The following FLNA variants were observed in gnomAD, a reference collection of about 807,000 sequenced individuals.
The protein encoded by FLNA is filamin-A.
FLNA carries 7 observed loss-of-function variants against 157.6 expected under a neutral mutation model. That is an observed-to-expected ratio of 0.04 (90% CI 0.03 to 0.08). FLNA has a LOEUF of 0.08. Among genes scored for constraint, FLNA ranks in the 10% least tolerant of loss-of-function variants. FLNA has a pLI of 1.00. For synonymous variants in FLNA, 1,103 were observed against 1,060.8 expected (o/e 1.04, Z -0.77); for missense variants, 1,750 against 2,398.4 (o/e 0.73, Z 5.65).
chrX:154,354,397 C>T lies in FLNA; in HGVS notation c.5400G>A (p.Lys1800=). The T allele has an allele frequency of 7.4e-6, 9 of 1,211,811 alleles. No homozygotes were observed. The highest frequency in any genetic ancestry group is 8.9e-6 in the Non-Finnish European group (8 of 895,463). The change falls in exon 33 of 48, where the codon AAG becomes AAA. Residue 1800 remains lysine (K), a synonymous_variant. Coordinates refer to ENST00000369850, the MANE Select transcript of FLNA (RefSeq NM_001110556.2). ...CCCACTCACCTGTGATCTCGCCCTT[C>T]TTGATGGTGAAGGGGATGACAAGGT... ...PFDLVIPFTI[K]KGEITGEVRM... is the part of the protein sequence containing the mutation.
At chrX:154,365,325 T>C (rs980346082) in intron 10 of FLNA, 24 bp downstream of exon 10, 3 of 1,210,785 alleles carry the variant, frequency 2.5e-6, no homozygotes, top group Non-Finnish European at 3.4e-6. Flanking sequence ...CCACCCATCC[T>C]GGCCTGGCTC....
chrX:154,348,578 G>A lies in FLNA; in HGVS notation c.*271C>T. On this transcript the variant is annotated 3_prime_UTR_variant, in exon 48 of 48. Transcript: ENST00000369850. ...CTCTTGGCTGGAGAAGAGAACTAGT[G>A]GGTGGTTGTGTACAGGACCCCCATC... 2.9e-6 allele frequency: 1 copy of A among 347,769 alleles called. No individual in the cohort carries two copies. Among genetic ancestry groups the A allele is most frequent in the East Asian group, 4.6e-5 (1 of 21,823 alleles). 28.7% of individuals were successfully genotyped at this position (347,769 alleles called of 1,213,427 possible). A position where few individuals can be genotyped will look rare whatever the true frequency, so the allele number is the denominator to read the frequency against.
rs782614822 is a variant in FLNA, at chrX:154,357,456, G to A, written c.4923C>T (p.Asp1641=). ...PYRVRAVPTG[D]ASKCTVTVSI... is the part of the protein sequence containing the mutation. The stretch of plus-strand genomic sequence containing the variant: ...CACCTGTGACAGTGCACTTGCTGGC[G>A]TCCCCGGTGGGCACGGCACGCACGC... Residue 1641 remains aspartate (D), a synonymous_variant, in exon 29 of 48, where the codon GAC becomes GAT. Coordinates refer to ENST00000369850, the MANE Select transcript of FLNA (RefSeq NM_001110556.2). 64 of 1,207,975 alleles carry A rather than the reference G, an allele frequency of 5.3e-5. No individual in the cohort carries two copies. Among genetic ancestry groups the A allele is most frequent in the Non-Finnish European group, 6.7e-5 (60 of 892,902 alleles).
chrX:154,366,126 G>A lies in FLNA; in HGVS notation c.1327C>T (p.Arg443Cys), dbSNP rs782673341. The A allele has an allele frequency of 5.6e-5, 68 of 1,209,039 alleles. 1 individual carries two copies. In the South Asian group the frequency reaches 7.9e-4, roughly 14 times the overall value. ...QLEARGDSTYRCSYQPTMEGV... is the reference protein window; with the variant it reads ...QLEARGDSTYCCSYQPTMEGV... ...TCCATGGTGGGCTGGTAGCTGCAGCGGTATGTGCTGTCGCCCCGGGCCTCC... is the reference window on the plus strand; with the variant it reads ...TCCATGGTGGGCTGGTAGCTGCAGCAGTATGTGCTGTCGCCCCGGGCCTCC... Residue 443 changes from arginine to cysteine, a missense_variant, in exon 9 of 48, where the codon CGC (arginine) becomes TGC (cysteine). Around this residue, in one of 5 missense-constraint regions of FLNA, gnomAD observed 648 missense variants for 805.8 expected, o/e 0.80. Transcript: ENST00000369850.
chrX:154,349,975 T>TGGA, intron 45 of FLNA, 56 bp downstream of exon 45: 1 of 1,194,455 alleles, frequency 8.4e-7, no homozygotes. Flanking sequence ...ACCAAGAGCT[T>TGGA]GGAGGCAAGG....
chrX:154,358,572 G>A lies in FLNA; in HGVS notation c.4475-4C>T, dbSNP rs199652065. The A allele has an allele frequency of 1.2e-5, 14 of 1,206,386 alleles. No individual in the cohort carries two copies. The highest frequency in any genetic ancestry group is 5.3e-5 in the African/African-American group (3 of 56,897). On this transcript the variant is annotated splice_polypyrimidine_tract_variant and splice_region_variant and intron_variant, in intron 26 of 47. Coordinates refer to ENST00000369850, the MANE Select transcript of FLNA (RefSeq NM_001110556.2). ...ACGTCCACTGGCTCCACCAGGCCTG[G>A]CCCCAGCCCCAGGGACAGAGCATCA...
intron 11 of FLNA, 75 bp downstream of exon 11, chrX:154,365,061 C>G: frequency 8.3e-7 from 1 of 1,203,746 alleles, no homozygotes; most frequent in South Asian, 1.8e-5. Flanking sequence ...GGCCCCTCAT[C>G]ATCAGGTGGG....
intron 5 of FLNA, 21 bp downstream of exon 5, chrX:154,367,376 C>T: frequency 8.3e-7 from 1 of 1,209,699 alleles, no homozygotes. Context: ...CACGGGTGCA[C>T]CCCTGGTGGG....
intron 22 of FLNA, 32 bp from the exon 23 acceptor site, chrX:154,359,937 C>T (rs782076774): frequency 5.8e-6 from 7 of 1,208,488 alleles, no homozygotes; most frequent in Admixed American, 2.2e-5. Context: ...GCTTGGGGCT[C>T]GGGGGTTCTG....
intron 14 of FLNA, 26 bp from the exon 15 acceptor site, chrX:154,364,191 C>T: frequency 8.3e-7 from 1 of 1,210,999 alleles, no homozygotes; most frequent in Non-Finnish European, 1.1e-6. Flanking sequence ...GAGCAGGTGG[C>T]CTGCTGGTCA....
At chrX:154,358,697 GA>G in intron 26 of FLNA, 129 bp from the exon 27 acceptor site, 1 of 875,663 alleles carries the variant, frequency 1.1e-6, no homozygotes, top group Non-Finnish European at 1.6e-6. Context: ...CCGACCCTGG[GA>G]ATGGCCTTGA....
Position 154,361,498 on chromosome X carries a change from G to A in FLNA, c.3017C>T (p.Ser1006Phe). ...KGAGGQGKVASKIVGPSGAAV... is the reference protein window; with the variant it reads ...KGAGGQGKVAFKIVGPSGAAV... ...TGCACCCGAGGGGCCCACAATCTTGGATGCCACTTTGCCTTGACCACCAGC... is the reference window on the plus strand; with the variant it reads ...TGCACCCGAGGGGCCCACAATCTTGAATGCCACTTTGCCTTGACCACCAGC... Residue 1006 changes from serine to phenylalanine, a missense_variant, in exon 21 of 48, where the codon TCC becomes TTC. This residue lies in a region of FLNA where 648 missense variants were observed against 805.8 expected (regional missense o/e 0.80). Coordinates refer to ENST00000369850, the MANE Select transcript of FLNA (RefSeq NM_001110556.2). The A allele has an allele frequency of 8.3e-7, 1 of 1,211,663 alleles. No homozygotes were observed. Among genetic ancestry groups the A allele is most frequent in the South Asian group, 1.8e-5 (1 of 57,017 alleles).
chrX:154,350,575 C>T (rs2067611384), intron 44 of FLNA: 3 of 382,492 alleles, frequency 7.8e-6, no homozygotes, highest in Non-Finnish European at 1.4e-5. Context: ...GAAATGAAGC[C>T]CACTGGGCTC....
Position 154,366,608 on chromosome X carries a change from C to A in FLNA, c.1019G>T (p.Arg340Leu), listed in dbSNP as rs371368679. The A allele has an allele frequency of 5.8e-6, 7 of 1,210,570 alleles. No homozygotes were observed. The highest frequency in any genetic ancestry group is 2.3e-4 in the Middle Eastern group (1 of 4,374). ...AKVTANNDKN[R>L]TFSVWYVPEV... ...GGGGACGTACCAGACGGAGAAGGTG[C>A]GGTTCTTGTCGTTATTGGCGGTCAC... The change falls in exon 7 of 48, where the codon CGC (arginine) becomes CTC (leucine). Residue 340 changes from arginine to leucine, a missense_variant. Arg to Leu is a moderately radical substitution (Grantham distance 102). Transcript: ENST00000369850.
At chrX:154,372,927 C>T (rs2067819116) in intron 1 of FLNA, among the ~76,000 whole-genome samples, 2 of 112,342 alleles carry the variant, frequency 1.8e-5, no homozygotes, top group African/African-American at 6.5e-5. Context: ...AGCACATTCA[C>T]TTCGGGGCAG....
At chrX:154,363,751 C>G (rs1242184482) in intron 15 of FLNA, among the ~76,000 whole-genome samples, 2 of 111,932 alleles carry the variant, frequency 1.8e-5, no homozygotes, top group African/African-American at 6.5e-5. Context: ...TATAAAGGAA[C>G]AAAGTGCCAA....
rs1489530369 is a variant in FLNA at position 154,366,567 on chromosome X, G to A, written c.1060C>T (p.His354Tyr). 1.9e-5 allele frequency: 23 copies of A among 1,209,979 alleles called. No individual in the cohort carries two copies. Among genetic ancestry groups the A allele is most frequent in the Non-Finnish European group, 2.6e-5 (23 of 894,399 alleles). ...VWYVPEVTGTHKVTVLFAGQH... is the reference protein window; with the variant it reads ...VWYVPEVTGTYKVTVLFAGQH... Reference sequence around the variant, plus strand: ...CCCCCTGGCCAAGGGCTCACCTTATGAGTCCCCGTCACCTCGGGGACGTAC... The same window carrying A: ...CCCCCTGGCCAAGGGCTCACCTTATAAGTCCCCGTCACCTCGGGGACGTAC... The change falls in exon 7 of 48, where the codon CAT (histidine) becomes TAT (tyrosine). Residue 354 changes from histidine (H) to tyrosine (Y), a missense_variant. Physicochemically the swap from His to Tyr is moderately conservative, Grantham distance 83 (BLOSUM62 2). Around this residue, in one of 5 missense-constraint regions of FLNA, gnomAD observed 648 missense variants for 805.8 expected, o/e 0.80. Coordinates refer to ENST00000369850, the MANE Select transcript of FLNA (RefSeq NM_001110556.2).
chrX:154,366,130 T>C lies in FLNA; in HGVS notation c.1323A>G (p.Thr441=). The C allele has an allele frequency of 8.3e-7, 1 of 1,210,263 alleles. No individual in the cohort carries two copies. Among genetic ancestry groups the C allele is most frequent in the African/African-American group, 1.7e-5 (1 of 57,885 alleles). ...EPQLEARGDS[T]YRCSYQPTME... ...TGGTGGGCTGGTAGCTGCAGCGGTA[T>C]GTGCTGTCGCCCCGGGCCTCCAGCT... Residue 441 remains threonine, a synonymous_variant, in exon 9 of 48, where the codon ACA becomes ACG. Transcript: ENST00000369850.
intron 15 of FLNA, 116 bp downstream of exon 15, chrX:154,363,906 C>T: frequency 1.2e-6 from 1 of 800,595 alleles, no homozygotes; most frequent in South Asian, 2.1e-5. Context: ...TAGTGGTCAC[C>T]AGGAGCTGTG....
Sources: allele counts gnomAD v4.1 joint callset (sites outside exome capture counted in the v4.1 genomes callset), GRCh38; gene constraint gnomAD v4.1.1; regional missense constraint gnomAD v4.1.1; transcripts MANE v1.5; gene names NCBI Gene and HGNC (gene_info 2026-07-23, HGNC 2026-07-21).